The following SERPINF1 variants were observed in gnomAD, a reference collection of about 807,000 sequenced individuals.
SERPINF1 encodes serpin family F member 1, also known as pigment epithelium-derived factor.
In SERPINF1, 29 loss-of-function variants were observed where a neutral mutation model predicts 37.3. That is an observed-to-expected ratio of 0.78 (90% CI 0.58 to 1.06). The LOEUF is 1.06. SERPINF1 is among the 50% of genes least tolerant of loss of function. The pLI is 0.00. For missense variants in SERPINF1, 553 were observed against 532.2 expected (o/e 1.04, Z -0.38); for synonymous variants, 281 against 227.9 (o/e 1.23, Z -2.10).
intron 5 of SERPINF1, among the ~76,000 whole-genome samples, chr17:1,773,801 C>T (rs1907879382): frequency 6.6e-6 from 1 of 152,082 alleles, no homozygotes. Context: ...TTGTGTGGGG[C>T]CAGCCCTGTT....
chr17:1,777,357 C>A lies in SERPINF1; in HGVS notation c.1168C>A (p.Leu390Ile). 1 of 1,614,152 alleles carries A rather than the reference C, an allele frequency of 6.2e-7. No individual in the cohort carries two copies. The highest frequency in any genetic ancestry group is 8.5e-7 in the Non-Finnish European group (1 of 1,180,050). Residue 390 changes from leucine to isoleucine, a missense_variant, in exon 8 of 8, where the codon CTT (leucine) becomes ATT (isoleucine). Leu to Ile is a conservative substitution (Grantham distance 5). Coordinates refer to ENST00000254722, the MANE Select transcript of SERPINF1 (RefSeq NM_002615.7). ...AHLTFPLDYH[L>I]NQPFIFVLRD... ...CCTCACCTTCCCGCTGGACTATCAC[C>A]TTAACCAGCCTTTCATCTTCGTACT...
intron 5 of SERPINF1, among the ~76,000 whole-genome samples, chr17:1,773,167 T>C (rs1170662030): frequency 6.6e-6 from 1 of 152,174 alleles, no homozygotes; most frequent in Non-Finnish European, 1.5e-5. Flanking sequence ...GAGAGACTTG[T>C]GGAGACAGAA....
intron 5 of SERPINF1, 43 bp downstream of exon 5, chr17:1,772,118 TTAAC>T: frequency 6.4e-7 from 1 of 1,573,586 alleles, no homozygotes; most frequent in South Asian, 1.1e-5. Flanking sequence ...TTACTGTATT[TTAAC>T]TAATTAATTA....
intron 2 of SERPINF1, 135 bp from the exon 3 acceptor site, chr17:1,769,717 C>T: frequency 1.1e-6 from 1 of 946,574 alleles, no homozygotes; most frequent in Non-Finnish European, 1.7e-6. Flanking sequence ...CCGTTTTAGG[C>T]CAAACACAGA....
At position 1,777,049 on chromosome 17, in the gene SERPINF1, C is replaced by G. The variant is rs766650858; in HGVS notation, c.998-138C>G. 2.5e-5 allele frequency: 34 copies of G among 1,364,154 alleles called. No homozygotes were observed. The African/African-American group carries it at 3.4e-4, about 14-fold the overall frequency. The allele number at this position is 1,364,154 out of a possible 1,614,324, so 84.5% of individuals were successfully genotyped here. ...ATGCTCCTGGGCAAGTCACTCCACC[C>G]TCGGTCAGCTCAGACCTCTTCAGGC... On this transcript the variant is annotated intron_variant, in intron 7 of 7. Transcript: ENST00000254722.
intron 1 of SERPINF1, chr17:1,762,697 G>GC (rs1907154435): frequency 6.6e-6 from 1 of 152,334 alleles, no homozygotes; most frequent in South Asian, 2.1e-4. Flanking sequence ...CTTCTAGCCA[G>GC]CCCCCACCCA....
chr17:1,767,024 A>G (rs1190430243), intron 2 of SERPINF1, 30 bp downstream of exon 2: 1 of 1,526,196 alleles, frequency 6.6e-7, no homozygotes, highest in South Asian at 1.2e-5. Flanking sequence ...GGGCGTGGTC[A>G]GCATTCCCCG....
At position 1,771,199 on chromosome 17, in the gene SERPINF1, CA is replaced by C. The variant is rs1410330722; in HGVS notation, c.439+16del. The C allele has an allele frequency of 3.1e-6, 5 of 1,612,296 alleles. No individual in the cohort carries two copies. Among genetic ancestry groups the C allele is most frequent in the Non-Finnish European group, 4.2e-6 (5 of 1,179,238 alleles). On this transcript the variant is annotated intron_variant, in intron 4 of 7. Coordinates refer to ENST00000254722, the MANE Select transcript of SERPINF1 (RefSeq NM_002615.7). Reference sequence around the variant, plus strand: ...CTTTGAGAAGAGTGAGTCGCCTTTGCAGCCCAAGTTGCCTGAGGCATGTGGG... The same window carrying C: ...CTTTGAGAAGAGTGAGTCGCCTTTGCGCCCAAGTTGCCTGAGGCATGTGGG...
intron 3 of SERPINF1, 69 bp from the exon 4 acceptor site, chr17:1,770,960 T>C: frequency 6.3e-7 from 1 of 1,596,992 alleles, no homozygotes; most frequent in Non-Finnish European, 8.6e-7. Context: ...AGTGTCTGTG[T>C]TCTGGGAGGG....
rs772174496 is a variant in SERPINF1, at chr17:1,775,209, G to C, written c.786+9G>C. ...CAGATCTCAGCTGCAAGGTCTGTAG[G>C]GATAGGGGCAGGGTGGGGGGTGGAT... On this transcript the variant is annotated intron_variant, in intron 6 of 7. Coordinates refer to ENST00000254722, the MANE Select transcript of SERPINF1 (RefSeq NM_002615.7). 6.2e-7 allele frequency: 1 copy of C among 1,606,082 alleles called. No homozygotes were observed. Among genetic ancestry groups the C allele is most frequent in the East Asian group, 2.2e-5 (1 of 44,790 alleles).
At chr17:1,771,250 C>CTT (rs58039181) in intron 4 of SERPINF1, 66 bp downstream of exon 4, 718 of 1,210,106 alleles carry the variant, frequency 5.9e-4, no homozygotes, top group East Asian at 2.6e-3. Context: ...CTGGGGGGGT[C>CTT]TTTTTTTTTT....
intron 1 of SERPINF1, among the ~76,000 whole-genome samples, chr17:1,763,168 G>T (rs1172612859): frequency 7.9e-5 from 12 of 152,212 alleles, no homozygotes; most frequent in Non-Finnish European, 1.6e-4. Flanking sequence ...GGGAGGGGGA[G>T]GTGCCCTTCC....
chr17:1,771,676 G>C, intron 4 of SERPINF1, 196 bp from the exon 5 acceptor site: 1 of 642,134 alleles, frequency 1.6e-6, no homozygotes, highest in Non-Finnish European at 2.8e-6. Context: ...GCAGTGGCGC[G>C]ATGTGGGGAA....
At chr17:1,763,544 T>C (rs1159724852) in intron 1 of SERPINF1, among the ~76,000 whole-genome samples, 1 of 152,224 alleles carries the variant, frequency 6.6e-6, no homozygotes, top group Non-Finnish European at 1.5e-5. Flanking sequence ...GAGCAACCAC[T>C]GTGGACAGGG....
intron 2 of SERPINF1, among the ~76,000 whole-genome samples, chr17:1,767,882 C>T (rs928311941): frequency 5.3e-5 from 8 of 152,182 alleles, no homozygotes; most frequent in Non-Finnish European, 8.8e-5. Context: ...AACACCTACT[C>T]GACAGGGGCT....
intron 2 of SERPINF1, among the ~76,000 whole-genome samples, chr17:1,767,334 G>A (rs1384885117): frequency 6.6e-6 from 1 of 152,138 alleles, no homozygotes; most frequent in Non-Finnish European, 1.5e-5. Context: ...TAGAGACGGG[G>A]TTTCTCCATG....
chr17:1,770,182 G>A (rs1907641956), intron 3 of SERPINF1, 132 bp downstream of exon 3: 1 of 978,834 alleles, frequency 1.0e-6, no homozygotes, highest in Non-Finnish European at 1.5e-6. Flanking sequence ...CTGGCCTGGG[G>A]GTCCCAGCTG....
In SERPINF1 at chr17:1,777,374, C is replaced by T. The variant is rs760607687; in HGVS notation, c.1185C>T (p.Ile395=). 2.5e-6 allele frequency: 4 copies of T among 1,614,038 alleles called. No homozygotes were observed. The highest frequency in any genetic ancestry group is 1.3e-5 in the African/African-American group (1 of 74,920). The change falls in exon 8 of 8, where the codon ATC becomes ATT. Residue 395 remains isoleucine, a synonymous_variant. Transcript: ENST00000254722. ...ACTATCACCTTAACCAGCCTTTCATCTTCGTACTGAGGGACACAGACACAG... is the reference window on the plus strand; with the variant it reads ...ACTATCACCTTAACCAGCCTTTCATTTTCGTACTGAGGGACACAGACACAG... ...PLDYHLNQPF[I]FVLRDTDTGA... is the part of the protein sequence containing the mutation.
chr17:1,769,889 A>G lies in SERPINF1; in HGVS notation c.122A>G (p.Glu41Gly). ...CCCGACAGCACAGGGGCGCTGGTGG[A>G]GGAGGAGGATCCTTTCTTCAAAGTC... is the stretch of plus-strand genomic sequence containing the variant. ...PDPDSTGALV[E>G]EEDPFFKVPV... Residue 41 changes from glutamate to glycine, a missense_variant, in exon 3 of 8, where the codon GAG becomes GGG. Transcript: ENST00000254722. The G allele has an allele frequency of 6.2e-7, 1 of 1,614,102 alleles. No homozygotes were observed. The highest frequency in any genetic ancestry group is 8.5e-7 in the Non-Finnish European group (1 of 1,180,006).
Sources: allele counts gnomAD v4.1 joint callset (sites outside exome capture counted in the v4.1 genomes callset), GRCh38; gene constraint gnomAD v4.1.1; transcripts MANE v1.5; gene names NCBI Gene and HGNC (gene_info 2026-07-23, HGNC 2026-07-21).